THSD4: variants seen among roughly 807,000 people sequenced by gnomAD.
THSD4 encodes thrombospondin type-1 domain-containing protein 4.
In THSD4, 69 loss-of-function variants were observed where a neutral mutation model predicts 119.0. That is an observed-to-expected ratio of 0.58 (90% CI 0.48 to 0.71). The LOEUF is 0.71. Ranked by LOEUF, THSD4 falls within the 30% of genes least tolerant of loss-of-function variation. The probability of loss-of-function intolerance (pLI) is 0.00; values close to 1 mark genes in which losing one functional copy is unlikely to be tolerated. For missense variants in THSD4, 1,393 were observed against 1,391.1 expected (o/e 1.00, Z -0.02); for synonymous variants, 524 against 540.4 (o/e 0.97, Z 0.42).
At chr15:71,385,863 G>A (rs562270650) in intron 6 of THSD4, among the ~76,000 whole-genome samples, 1 of 152,148 alleles carries the variant, frequency 6.6e-6, no homozygotes, top group African/African-American at 2.4e-5. Context: ...TCAAGAGATG[G>A]GGGTCCGGAA....
intron 1 of THSD4, among the ~76,000 whole-genome samples, chr15:71,103,893 C>T (rs1183413171): frequency 6.6e-6 from 1 of 152,136 alleles, no homozygotes; most frequent in Non-Finnish European, 1.5e-5. Flanking sequence ...TCCTCTGGTG[C>T]ACACTTCCAG....
chr15:71,738,132 C>A, intron 11 of THSD4, 125 bp downstream of exon 11: 2 of 1,295,464 alleles, frequency 1.5e-6, no homozygotes, highest in Non-Finnish European at 2.1e-6. Flanking sequence ...GACGATTTCT[C>A]CATGGATGGT....
Position 71,748,592 on chromosome 15 carries a change from A to G in THSD4, c.2413A>G (p.Arg805Gly). ...KSWFLTEWSE[R>G]CSAECGAGVR... The stretch of plus-strand genomic sequence containing the variant: ...CTGGTTCCTCACCGAGTGGAGCGAA[A>G]GGGTGAGTGTGATGGCGGGCAGAGC... The change falls in exon 14 of 18, where the codon AGG becomes GGG. Residue 805 changes from arginine to glycine, a missense_variant and splice_region_variant. Physicochemically the swap from Arg to Gly is moderately radical, Grantham distance 125 (BLOSUM62 -2). Transcript: ENST00000261862. 1 of 1,613,972 alleles carries G rather than the reference A, an allele frequency of 6.2e-7. No homozygotes were observed. Among genetic ancestry groups the G allele is most frequent in the Non-Finnish European group, 8.5e-7 (1 of 1,179,932 alleles).
chr15:71,495,720 G>C (rs1229379432), intron 7 of THSD4, among the ~76,000 whole-genome samples: 3 of 152,162 alleles, frequency 2.0e-5, no homozygotes, highest in Non-Finnish European at 4.4e-5. Flanking sequence ...CATGTGGGCT[G>C]TAGAGGAGAA....
intron 3 of THSD4, chr15:71,185,722 A>G (rs2043593933): frequency 6.6e-6 from 1 of 152,124 alleles, no homozygotes; most frequent in Non-Finnish European, 1.5e-5. Context: ...AGGAGGGCTT[A>G]TTGTTTAGTA....
chr15:71,618,402 A>G (rs2050358548), intron 7 of THSD4, among the ~76,000 whole-genome samples: 1 of 152,218 alleles, frequency 6.6e-6, no homozygotes, highest in Admixed American at 6.5e-5. Context: ...ACGTGGATAG[A>G]TCTCAAAAAC....
chr15:71,657,532 T>A (rs2051214946), intron 7 of THSD4, among the ~76,000 whole-genome samples: 1 of 152,236 alleles, frequency 6.6e-6, no homozygotes, highest in Non-Finnish European at 1.5e-5. Flanking sequence ...TCCCTCTTGC[T>A]TTGTGAAGTA....
At chr15:71,703,164 A>G (rs182797399) in intron 8 of THSD4, among the ~76,000 whole-genome samples, 22 of 152,212 alleles carry the variant, frequency 1.4e-4, no homozygotes, top group African/African-American at 5.3e-4. Flanking sequence ...TAGTAGAGAC[A>G]GAGATTTGCC....
At chr15:71,531,176 T>A (rs7495712) in intron 7 of THSD4, among the ~76,000 whole-genome samples, 20,651 of 151,980 alleles carry the variant, frequency 0.14, 1,802 homozygotes, top group Middle Eastern at 0.22. Context: ...GAGTGTGGGA[T>A]GGGGCTAGAT....
intron 7 of THSD4, among the ~76,000 whole-genome samples, chr15:71,566,117 C>A (rs1460089115): frequency 6.6e-6 from 1 of 150,636 alleles, no homozygotes; most frequent in African/African-American, 2.4e-5. Flanking sequence ...ATGACTAAAC[C>A]ATTTCTTTTC....
chr15:71,299,650 A>G (rs2044916473), intron 6 of THSD4, among the ~76,000 whole-genome samples: 2 of 152,290 alleles, frequency 1.3e-5, no homozygotes, highest in East Asian at 3.9e-4. Context: ...GACTACAGTT[A>G]ATAACATATA....
chr15:71,514,321 G>A (rs2048324583), intron 7 of THSD4, among the ~76,000 whole-genome samples: 1 of 152,182 alleles, frequency 6.6e-6, no homozygotes, highest in Non-Finnish European at 1.5e-5. Flanking sequence ...GTGGCCACCT[G>A]CAGAAGTAAT....
chr15:71,276,130 G>T (rs8038376), intron 6 of THSD4, among the ~76,000 whole-genome samples: 150,957 of 152,354 alleles, frequency 0.99, 74,803 homozygotes, highest in Middle Eastern at 1. Flanking sequence ...CACTTGTGTA[G>T]CTGTAGTCTG....
At chr15:71,405,546 T>C (rs1316826097) in intron 6 of THSD4, among the ~76,000 whole-genome samples, 1 of 152,234 alleles carries the variant, frequency 6.6e-6, no homozygotes, top group Non-Finnish European at 1.5e-5. Flanking sequence ...ATTCCATTGA[T>C]CTATGTGTTT....
intron 1 of THSD4, among the ~76,000 whole-genome samples, chr15:71,137,596 A>C (rs1434769670): frequency 2.6e-5 from 4 of 152,298 alleles, no homozygotes; most frequent in African/African-American, 9.6e-5. Flanking sequence ...ATTTCATGGC[A>C]GACTCATGAG....
At chr15:71,752,024 A>G (rs942115249) in intron 14 of THSD4, among the ~76,000 whole-genome samples, 3 of 152,174 alleles carry the variant, frequency 2.0e-5, no homozygotes. Context: ...CAGAAAGATT[A>G]TTTCGGTGTA....
chr15:71,606,366 G>A (rs2050110135), intron 7 of THSD4, among the ~76,000 whole-genome samples: 1 of 152,142 alleles, frequency 6.6e-6, no homozygotes, highest in Non-Finnish European at 1.5e-5. Flanking sequence ...TTTGGGGGTA[G>A]GAGTATTTTG....
At chr15:71,247,958 A>G (rs893319280) in intron 5 of THSD4, among the ~76,000 whole-genome samples, 1 of 152,204 alleles carries the variant, frequency 6.6e-6, no homozygotes, top group Non-Finnish European at 1.5e-5. Context: ...ATGCAGTTGA[A>G]AAAGAACAAC....
At chr15:71,238,800 G>T (rs2028585) in intron 4 of THSD4, among the ~76,000 whole-genome samples, 41,763 of 151,920 alleles carry the variant, frequency 0.27, 6,545 homozygotes, top group South Asian at 0.41. Context: ...TTTCTCTTGG[G>T]CATATACCTA....
Sources: gnomAD v4.1 joint callset for allele counts (sites outside exome capture counted in the v4.1 genomes callset) on GRCh38, gnomAD v4.1.1 for gene constraint, MANE v1.5 for transcripts, NCBI Gene and HGNC (gene_info 2026-07-23, HGNC 2026-07-21) for gene names.